DAAM1: variants seen among roughly 807,000 people sequenced by gnomAD.
The protein encoded by DAAM1 is disheveled-associated activator of morphogenesis 1.
DAAM1 carries 52 observed loss-of-function variants against 130.0 expected under a neutral mutation model. The observed-to-expected ratio is 0.40, with a 90% CI of 0.32 to 0.50. DAAM1 has a LOEUF of 0.50. Ranked by LOEUF, DAAM1 falls within the 20% of genes least tolerant of loss-of-function variation. DAAM1 has a pLI of 0.61. For missense variants in DAAM1, 1,134 were observed against 1,303.8 expected, an observed-to-expected ratio of 0.87 and a Z score of 2.01; for synonymous variants, 452 against 444.5, an observed-to-expected ratio of 1.02 and a Z score of -0.21.
chr14:59,342,359 T>G (rs1011481976), intron 16 of DAAM1, among the ~76,000 whole-genome samples: 1 of 152,172 alleles, frequency 6.6e-6, no homozygotes, highest in South Asian at 2.1e-4. Flanking sequence ...TGGTCAGTTG[T>G]TTTACTCTCT....
intron 12 of DAAM1, 120 bp from the exon 13 acceptor site, chr14:59,330,381 T>C: frequency 1.1e-6 from 1 of 919,372 alleles, no homozygotes; most frequent in Non-Finnish European, 1.6e-6. Flanking sequence ...AGAGGAATAA[T>C]ATTTACCTAA....
chr14:59,288,761 A>G (rs908667538), intron 2 of DAAM1, among the ~76,000 whole-genome samples: 1 of 151,364 alleles, frequency 6.6e-6, no homozygotes, highest in African/African-American at 2.4e-5. Flanking sequence ...AACAGGAAGC[A>G]TGACTGGGGG....
intron 10 of DAAM1, 35 bp from the exon 11 acceptor site, chr14:59,326,475 T>G: frequency 6.4e-7 from 1 of 1,556,854 alleles, no homozygotes; most frequent in Non-Finnish European, 8.7e-7. Flanking sequence ...AGAAACAACT[T>G]GAAGATTTTT....
intron 1 of DAAM1, among the ~76,000 whole-genome samples, chr14:59,211,186 T>C (rs1407138283): frequency 1.3e-5 from 2 of 152,208 alleles, no homozygotes; most frequent in Non-Finnish European, 2.9e-5. Context: ...GAGAGCTTCA[T>C]GTTTAAAATT....
intron 16 of DAAM1, among the ~76,000 whole-genome samples, chr14:59,340,535 C>G (rs1263167304): frequency 6.6e-6 from 1 of 152,222 alleles, no homozygotes; most frequent in African/African-American, 2.4e-5. Flanking sequence ...AGAATCAGGA[C>G]CAACAGATGA....
chr14:59,234,321 G>A (rs565708958), intron 1 of DAAM1, among the ~76,000 whole-genome samples: 1 of 152,226 alleles, frequency 6.6e-6, no homozygotes, highest in East Asian at 1.9e-4. Context: ...GTGGTTTGTA[G>A]TTCTCCTTGA....
Position 59,291,248 on chromosome 14 carries a change from A to G in DAAM1, c.215A>G (p.Glu72Gly). 1 of 1,611,822 alleles carries G rather than the reference A, an allele frequency of 6.2e-7. No individual in the cohort carries two copies. The highest frequency in any genetic ancestry group is 2.2e-5 in the East Asian group (1 of 44,762). ...DELDLTDKHR[E>G]AMFALPAEKK... ...CTGGACCTCACAGACAAACACAGAGAAGCCATGTTTGCACTTCCAGCTGAG... is the reference window on the plus strand; with the variant it reads ...CTGGACCTCACAGACAAACACAGAGGAGCCATGTTTGCACTTCCAGCTGAG... The change falls in exon 3 of 25, where the codon GAA (glutamate) becomes GGA (glycine). Residue 72 changes from glutamate (E) to glycine (G), a missense_variant. By Grantham distance (98) the Glu-to-Gly change is moderately conservative. Around this residue, in one of 3 missense-constraint regions of DAAM1, gnomAD observed 391 missense variants for 521.6 expected, o/e 0.75. Transcript: ENST00000360909.
chr14:59,362,674 G>C (rs1448508666), intron 22 of DAAM1: 1 of 151,656 alleles, frequency 6.6e-6, no homozygotes, highest in African/African-American at 2.4e-5. Context: ...GAGGCCCAGA[G>C]CAACATGCCA....
chr14:59,190,512 G>A (rs1256560059), intron 1 of DAAM1, among the ~76,000 whole-genome samples: 1 of 152,070 alleles, frequency 6.6e-6, no homozygotes, highest in African/African-American at 2.4e-5. Context: ...AAGTGATTAG[G>A]GACAATTAAT....
chr14:59,279,263 A>C (rs1414865244), intron 2 of DAAM1, among the ~76,000 whole-genome samples: 1 of 152,046 alleles, frequency 6.6e-6, no homozygotes, highest in Non-Finnish European at 1.5e-5. Context: ...GGCTCTGTAG[A>C]TCTACTTTTT....
At chr14:59,264,892 G>C (rs763515385) in intron 2 of DAAM1, 5 of 152,004 alleles carry the variant, frequency 3.3e-5, no homozygotes, top group Admixed American at 1.3e-4. Context: ...TCATCATTCA[G>C]CTCCCACTTA....
chr14:59,283,433 T>G (rs565620882), intron 2 of DAAM1, among the ~76,000 whole-genome samples: 1 of 152,286 alleles, frequency 6.6e-6, no homozygotes, highest in South Asian at 2.1e-4. Flanking sequence ...CTGTAAAAAA[T>G]CCCTCATTGC....
At chr14:59,207,375 T>G (rs968723469) in intron 1 of DAAM1, among the ~76,000 whole-genome samples, 1 of 152,216 alleles carries the variant, frequency 6.6e-6, no homozygotes, top group African/African-American at 2.4e-5. Flanking sequence ...TGTGAGATAG[T>G]CTAGTCCAAC....
chr14:59,350,840 T>A (rs1402822006), intron 17 of DAAM1, among the ~76,000 whole-genome samples: 1 of 152,086 alleles, frequency 6.6e-6, no homozygotes. Context: ...GAATGCTGGT[T>A]CTCTTCAGCC....
rs893566500 is a variant in DAAM1 at position 59,237,844 on chromosome 14, A to G, written c.-37-25597A>G. On this transcript the variant is annotated intron_variant, in intron 1 of 24. Transcript: ENST00000360909. Reference sequence around the variant, plus strand: ...CATATATTCCTTTGAAGCTCTTGGCATATTTTTAGATGATATATTCATAAC... The same window carrying G: ...CATATATTCCTTTGAAGCTCTTGGCGTATTTTTAGATGATATATTCATAAC... 2.0e-5 allele frequency among the ~76,000 whole-genome samples: 3 copies of G among 152,338 alleles called. No homozygotes were observed. In the South Asian group the frequency reaches 6.2e-4, roughly 32 times the overall value.
At position 59,331,324 on chromosome 14, in the gene DAAM1, G is replaced by T. The variant is rs749293945; in HGVS notation, c.1676G>T (p.Gly559Val). The T allele has an allele frequency of 1.2e-6, 2 of 1,610,746 alleles. No individual in the cohort carries two copies. Among genetic ancestry groups the T allele is most frequent in the Non-Finnish European group, 1.7e-6 (2 of 1,179,310 alleles). Reference sequence around the variant, plus strand: ...CCCCCACCACCCCCACCTCTACCAGGTGGGATGCTTCCCCCTCCACCGCCT... The same window carrying T: ...CCCCCACCACCCCCACCTCTACCAGTTGGGATGCTTCCCCCTCCACCGCCT... ...LPPPPPPPLP[G>V]GMLPPPPPPL... is the part of the protein sequence containing the mutation. The change falls in exon 14 of 25, where the codon GGT becomes GTT. Residue 559 changes from glycine to valine, a missense_variant. Gly to Val is a moderately radical substitution (Grantham distance 109). This residue lies in a region of DAAM1 where 644 missense variants were observed against 695.9 expected (regional missense o/e 0.93). Transcript: ENST00000360909.
At chr14:59,242,649 C>T (rs1309674643) in intron 1 of DAAM1, among the ~76,000 whole-genome samples, 1 of 152,108 alleles carries the variant, frequency 6.6e-6, no homozygotes, top group Non-Finnish European at 1.5e-5. Flanking sequence ...AGCTCTGCCT[C>T]CCGGGTTCAC....
At chr14:59,194,185 G>A (rs568083312) in intron 1 of DAAM1, among the ~76,000 whole-genome samples, 2 of 152,238 alleles carry the variant, frequency 1.3e-5, no homozygotes, top group East Asian at 1.9e-4. Context: ...TCTGCAACTC[G>A]AGTTGGGGTA....
At chr14:59,282,435 AG>A (rs1361898348) in intron 2 of DAAM1, among the ~76,000 whole-genome samples, 1 of 152,200 alleles carries the variant, frequency 6.6e-6, no homozygotes, top group Non-Finnish European at 1.5e-5. Flanking sequence ...TGAAGTTCAG[AG>A]GCTGAGTCAC....
Sources: gnomAD v4.1 joint callset for allele counts (sites outside exome capture counted in the v4.1 genomes callset) on GRCh38, gnomAD v4.1.1 for gene constraint, gnomAD v4.1.1 regional missense constraint, MANE v1.5 for transcripts, NCBI Gene and HGNC (gene_info 2026-07-23, HGNC 2026-07-21) for gene names.